Variants in INTS1 observed in about 807,000 individuals in gnomAD.
INTS1 encodes the protein integrator complex subunit 1.
A neutral mutation model predicts 241.6 loss-of-function variants in INTS1; 137 were observed. The ratio of observed to expected loss-of-function variants is 0.57; its 90% CI spans 0.49 to 0.65. The LOEUF (loss-of-function observed/expected upper bound fraction) is 0.65. Ranked by LOEUF, INTS1 falls within the 30% of genes least tolerant of loss-of-function variation. The pLI is 0.00. For synonymous variants in INTS1, 1,692 were observed against 1,337.8 expected (o/e 1.26, Z -5.78); for missense variants, 3,073 against 3,032.2 (o/e 1.01, Z -0.32).
chr7:1,498,650 C>A, intron 9 of INTS1, 57 bp downstream of exon 9: 2 of 1,531,636 alleles, frequency 1.3e-6, no homozygotes, highest in Non-Finnish European at 1.8e-6. Flanking sequence ...CCGCCCACAC[C>A]CCCACCCACA....
intron 11 of INTS1, 63 bp from the exon 12 acceptor site, chr7:1,496,327 C>T (rs1782852913): frequency 2.3e-5 from 15 of 657,332 alleles, no homozygotes; most frequent in Middle Eastern, 5.0e-4. Context: ...TCCACACCCA[C>T]GTGGGCGCGG....
rs779317984 is a variant in INTS1, at chr7:1,474,356, G to C, written c.5641C>G (p.Leu1881Val). The change falls in exon 41 of 48, where the codon CTG (leucine) becomes GTG (valine). Residue 1881 changes from leucine (L) to valine (V), a missense_variant. Leu to Val is a conservative substitution (Grantham distance 32). Transcript: ENST00000404767. The part of the protein sequence containing the change: ...VAHPLLLLRH[L>V]PMIAALLHGR... ...TGCAGGAGCGCCGCGATCATGGGCA[G>C]GTGCCTGCGGGCGCGGTGAGGGCCC... 3 of 1,589,560 alleles carry C rather than the reference G, an allele frequency of 1.9e-6. No homozygotes were observed. The highest frequency in any genetic ancestry group is 4.5e-5 in the East Asian group (2 of 44,098).
Position 1,485,345 on chromosome 7 carries a change from G to A in INTS1, c.3101C>T (p.Pro1034Leu). 6.2e-7 allele frequency: 1 copy of A among 1,611,796 alleles called. No homozygotes were observed. Among genetic ancestry groups the A allele is most frequent in the Non-Finnish European group, 8.5e-7 (1 of 1,179,748 alleles). The part of the protein sequence containing the change: ...QGYQWLLRDL[P>L]RLPLFDSVRS... ...GACGCTGTCGAACAGAGGCAGGCGA[G>A]GCAGGTCCCGCAGCAGCCACTGATA... is the stretch of plus-strand genomic sequence containing the variant. Residue 1034 changes from proline to leucine, a missense_variant, in exon 23 of 48, where the codon CCT (proline) becomes CTT (leucine). Physicochemically the swap from Pro to Leu is moderately conservative, Grantham distance 98. Coordinates refer to ENST00000404767, the MANE Select transcript of INTS1 (RefSeq NM_001080453.3).
At chr7:1,478,005 C>T in intron 33 of INTS1, 69 bp from the exon 34 acceptor site, 1 of 1,340,998 alleles carries the variant, frequency 7.5e-7, no homozygotes, top group Non-Finnish European at 1.1e-6. Flanking sequence ...TGGGTGTGGG[C>T]TAGCCAGGGT....
chr7:1,500,548 A>G (rs1783123699), intron 3 of INTS1, among the ~76,000 whole-genome samples, 182 bp from the exon 4 acceptor site: 1 of 152,030 alleles, frequency 6.6e-6, no homozygotes, highest in African/African-American at 2.4e-5. Context: ...TCCCCTTAAT[A>G]CAACAGGCTG....
At chr7:1,491,573 A>G (rs779543417) in intron 16 of INTS1, among the ~76,000 whole-genome samples, 1 of 152,246 alleles carries the variant, frequency 6.6e-6, no homozygotes, top group African/African-American at 2.4e-5. Context: ...AAACCAAACA[A>G]AAATAGATAA....
chr7:1,478,677 C>A (rs1222678770), intron 32 of INTS1, 49 bp downstream of exon 32: 3 of 1,507,616 alleles, frequency 2.0e-6, no homozygotes, highest in Non-Finnish European at 2.7e-6. Flanking sequence ...TCTGAGTGAG[C>A]CCCTGTCCAG....
chr7:1,472,214 C>T (rs539630585), intron 44 of INTS1, 59 bp downstream of exon 44: 25 of 1,296,024 alleles, frequency 1.9e-5, no homozygotes, highest in South Asian at 3.8e-5. Flanking sequence ...GGCTGCTGCC[C>T]GCAGCCCCAT....
chr7:1,503,870 C>CCCCCCAAGAA, intron 2 of INTS1, 33 bp downstream of exon 2: 1 of 1,522,646 alleles, frequency 6.6e-7, no homozygotes, highest in Non-Finnish European at 8.9e-7. Context: ...CCCCCAAAGA[C>CCCCCCAAGAA]CCCCGGGCTG....
chr7:1,489,843 G>A (rs983611057), intron 16 of INTS1, among the ~76,000 whole-genome samples, 161 bp from the exon 17 acceptor site: 3 of 152,182 alleles, frequency 2.0e-5, no homozygotes, highest in African/African-American at 7.2e-5. Flanking sequence ...CATCAGCCTG[G>A]CTCTGGGCTC....
Position 1,471,193 on chromosome 7 carries a change from T to G in INTS1, c.6287A>C (p.Glu2096Ala). 1 of 1,582,230 alleles carries G rather than the reference T, an allele frequency of 6.3e-7. No homozygotes were observed. ...TNLQRLMSSAEECCRNLAFSL... is the reference protein window; with the variant it reads ...TNLQRLMSSAAECCRNLAFSL... ...GAAGGCGAGGTTGCGGCAACACTCC[T>G]CGGCCGAGCTCATCAGCCGCTGCAG... Residue 2096 changes from glutamate (E) to alanine (A), a missense_variant, in exon 46 of 48, where the codon GAG becomes GCG. Physicochemically the swap from Glu to Ala is moderately radical, Grantham distance 107. Transcript: ENST00000404767.
At chr7:1,486,296 A>C (rs1782264188) in intron 22 of INTS1, among the ~76,000 whole-genome samples, 1 of 142,950 alleles carries the variant, frequency 7.0e-6, no homozygotes, top group Non-Finnish European at 1.5e-5. Flanking sequence ...ATGGAGTTTC[A>C]CTTGTTGCCC....
Position 1,476,938 on chromosome 7 carries a change from C to A in INTS1, c.4939-20G>T. 6.2e-7 allele frequency: 1 copy of A among 1,602,072 alleles called. No homozygotes were observed. On this transcript the variant is annotated intron_variant, in intron 35 of 47. Coordinates refer to ENST00000404767, the MANE Select transcript of INTS1 (RefSeq NM_001080453.3). ...TTTGCCCTGGGGAGGGAGGAAGAAGCCCGGATGGCCTCACCTGGGCCAATG... is the reference window on the plus strand; with the variant it reads ...TTTGCCCTGGGGAGGGAGGAAGAAGACCGGATGGCCTCACCTGGGCCAATG...
intron 16 of INTS1, 34 bp from the exon 17 acceptor site, chr7:1,489,716 C>G (rs761540285): frequency 7.1e-7 from 1 of 1,409,816 alleles, no homozygotes; most frequent in African/African-American, 1.4e-5. Flanking sequence ...TCAGGCCCAG[C>G]GCACCAAGCT....
At chr7:1,483,202 A>C in intron 26 of INTS1, 1 of 216,104 alleles carries the variant, frequency 4.6e-6, no homozygotes, top group South Asian at 7.5e-5. Context: ...TCCCCCACTG[A>C]CAGACACAAC....
chr7:1,485,568 G>A lies in INTS1; in HGVS notation c.2977-99C>T, dbSNP rs180924387. Reference sequence around the variant, plus strand: ...ACGCATGGTGCCCTCAGAGCCCCGAGGAGAATGTGGCGCTTGCTTCCCACG... The same window carrying A: ...ACGCATGGTGCCCTCAGAGCCCCGAAGAGAATGTGGCGCTTGCTTCCCACG... On this transcript the variant is annotated intron_variant, in intron 22 of 47. Coordinates refer to ENST00000404767, the MANE Select transcript of INTS1 (RefSeq NM_001080453.3). The A allele has an allele frequency of 7.8e-6, 10 of 1,276,234 alleles. No individual in the cohort carries two copies. In the African/African-American group the frequency reaches 1.2e-4, roughly 15 times the overall value. The allele number at this position is 1,276,234 out of a possible 1,614,324, so 79.1% of individuals were successfully genotyped here. A position where few individuals can be genotyped will look rare whatever the true frequency, so the allele number is the denominator to read the frequency against.
Position 1,484,147 on chromosome 7 carries a change from C to T in INTS1, c.3285G>A (p.Glu1095=). 6.2e-7 allele frequency: 1 copy of T among 1,611,412 alleles called. No individual in the cohort carries two copies. Among genetic ancestry groups the T allele is most frequent in the South Asian group, 1.1e-5 (1 of 91,064 alleles). ...AGAGGTGGGACATGATGGTGGAGCGCTCCACGACCAGCCGGGCCACGTCCT... is the reference window on the plus strand; with the variant it reads ...AGAGGTGGGACATGATGGTGGAGCGTTCCACGACCAGCCGGGCCACGTCCT... The part of the protein sequence containing the change: ...LALDVARLVV[E]RSTIMSHLFS... Residue 1095 remains glutamate, a synonymous_variant, in exon 25 of 48, where the codon GAG becomes GAA. Transcript: ENST00000404767.
intron 31 of INTS1, 49 bp from the exon 32 acceptor site, chr7:1,478,934 G>T: frequency 6.4e-7 from 1 of 1,556,006 alleles, no homozygotes; most frequent in South Asian, 1.2e-5. Flanking sequence ...GACACACGGG[G>T]ACCCGGCACC....
At chr7:1,484,969 TGCCG>T in intron 24 of INTS1, 125 bp downstream of exon 24, 1 of 360,788 alleles carries the variant, frequency 2.8e-6, no homozygotes, top group African/African-American at 2.3e-5. Flanking sequence ...AGGGCCACAC[TGCCG>T]GCTGGCCCCG....
Sources: allele counts gnomAD v4.1 joint callset (sites outside exome capture counted in the v4.1 genomes callset), GRCh38; gene constraint gnomAD v4.1.1; transcripts MANE v1.5; gene names NCBI Gene and HGNC (gene_info 2026-07-23, HGNC 2026-07-21).